SULF1: variants seen among roughly 807,000 people sequenced by gnomAD.
SULF1 encodes the protein sulfatase 1.
SULF1 carries 46 observed loss-of-function variants against 110.5 expected under a neutral mutation model. The ratio of observed to expected loss-of-function variants is 0.42; its 90% confidence interval spans 0.33 to 0.53. SULF1 has a LOEUF of 0.53. Among genes scored for constraint, SULF1 ranks in the 20% least tolerant of loss-of-function variants. The probability of loss-of-function intolerance (pLI) is 0.12; values close to 1 mark genes in which losing one functional copy is unlikely to be tolerated. For synonymous variants in SULF1, 371 were observed against 387.1 expected (o/e 0.96, Z 0.49); for missense variants, 941 against 1,094.2 (o/e 0.86, Z 1.98).
intron 3 of SULF1, among the ~76,000 whole-genome samples, chr8:69,514,793 C>A (rs1811811097): frequency 6.6e-6 from 1 of 152,200 alleles, no homozygotes; most frequent in African/African-American, 2.4e-5. Context: ...TCAGCCACAA[C>A]AAAAGAGTTA....
At chr8:69,636,227 T>G (rs1026334417) in intron 19 of SULF1, among the ~76,000 whole-genome samples, 7 of 152,260 alleles carry the variant, frequency 4.6e-5, no homozygotes, top group Admixed American at 4.6e-4. Flanking sequence ...AGTTTGTTTA[T>G]TCCTGTAGCA....
intron 3 of SULF1, among the ~76,000 whole-genome samples, chr8:69,535,428 G>C (rs1048262351): frequency 6.6e-6 from 1 of 152,194 alleles, no homozygotes; most frequent in African/African-American, 2.4e-5. Flanking sequence ...ACTCCAGACA[G>C]TGTGCTCTAT....
intron 3 of SULF1, among the ~76,000 whole-genome samples, chr8:69,530,594 G>A (rs956035957): frequency 1.3e-5 from 2 of 152,092 alleles, no homozygotes; most frequent in Non-Finnish European, 2.9e-5. Context: ...TGCCTAAAAT[G>A]GGTTTTAGAG....
intron 8 of SULF1, among the ~76,000 whole-genome samples, chr8:69,599,978 T>C (rs953195279): frequency 3.9e-5 from 6 of 152,240 alleles, no homozygotes; most frequent in African/African-American, 1.4e-4. Context: ...TATATTGATT[T>C]GTTTATTAAA....
intron 1 of SULF1, among the ~76,000 whole-genome samples, chr8:69,470,129 G>A (rs571889205): frequency 6.6e-6 from 1 of 152,274 alleles, no homozygotes. Flanking sequence ...ACATAGATGA[G>A]GCCAACCAAA....
At chr8:69,576,874 C>G (rs1223278436) in intron 6 of SULF1, among the ~76,000 whole-genome samples, 1 of 152,150 alleles carries the variant, frequency 6.6e-6, no homozygotes, top group Non-Finnish European at 1.5e-5. Context: ...TCATAAGAAT[C>G]AAATATGTTA....
At chr8:69,594,584 T>C (rs1019551830) in intron 8 of SULF1, among the ~76,000 whole-genome samples, 1 of 152,222 alleles carries the variant, frequency 6.6e-6, no homozygotes, top group African/African-American at 2.4e-5. Context: ...GACAAAGGTT[T>C]TGAAACACCT....
intron 6 of SULF1, among the ~76,000 whole-genome samples, chr8:69,581,459 T>C (rs1563552054): frequency 6.6e-6 from 1 of 152,080 alleles, no homozygotes; most frequent in African/African-American, 2.4e-5. Flanking sequence ...TACAATCAGG[T>C]CTTCTGATCT....
At chr8:69,489,571 C>CTTTTTTTTT (rs61391745), upstream of SULF1, among the ~76,000 whole-genome samples, 13 of 91,952 alleles carry the variant, frequency 1.4e-4, no homozygotes, top group African/African-American at 3.2e-4. Context: ...CTTTCTTTCT[C>CTTTTTTTTT]TTTTTTTTTT....
intron 3 of SULF1, among the ~76,000 whole-genome samples, chr8:69,551,439 G>A (rs1199070624): frequency 1.3e-5 from 2 of 152,146 alleles, no homozygotes; most frequent in Non-Finnish European, 2.9e-5. Context: ...GAACACTTCT[G>A]GATACTTGTT....
chr8:69,589,883 T>C (rs1348664626), intron 8 of SULF1, among the ~76,000 whole-genome samples: 3 of 152,224 alleles, frequency 2.0e-5, no homozygotes, highest in Non-Finnish European at 4.4e-5. Flanking sequence ...AGCTTTGCCA[T>C]CAATATCCAG....
intron 8 of SULF1, among the ~76,000 whole-genome samples, chr8:69,599,592 C>G (rs990274809): frequency 7.9e-5 from 12 of 152,168 alleles, no homozygotes; most frequent in African/African-American, 2.9e-4. Flanking sequence ...AAATGGTTTG[C>G]ATAATACCCA....
chr8:69,564,454 A>T (rs1486416706), intron 5 of SULF1, among the ~76,000 whole-genome samples: 1 of 152,210 alleles, frequency 6.6e-6, no homozygotes, highest in African/African-American at 2.4e-5. Context: ...ACATTGTAAA[A>T]ATATTTGGGC....
In SULF1 at chr8:69,567,214, C is replaced by T. The variant is rs568516813; in HGVS notation, c.172+3067C>T. 2.0e-5 allele frequency among the ~76,000 whole-genome samples: 3 copies of T among 152,090 alleles called. No homozygotes were observed. In the South Asian group the frequency reaches 6.3e-4, roughly 32 times the overall value. On this transcript the variant is annotated intron_variant, in intron 5 of 22. Coordinates refer to ENST00000402687, the MANE Select transcript of SULF1 (RefSeq NM_001128205.2). ...CTGTGGGTTGGAGGTCCAGAAAAGA[C>T]CTCCTTTCTTGGCAGAAAAGTCATG...
chr8:69,572,250 G>A (rs1299907690), intron 5 of SULF1, among the ~76,000 whole-genome samples: 1 of 152,214 alleles, frequency 6.6e-6, no homozygotes, highest in Non-Finnish European at 1.5e-5. Flanking sequence ...GAGCTCAAGA[G>A]CATGGTCTCT....
At chr8:69,494,115 C>T (rs935257929) in intron 1 of SULF1, among the ~76,000 whole-genome samples, 10 of 152,110 alleles carry the variant, frequency 6.6e-5, no homozygotes, top group Non-Finnish European at 1.0e-4. Context: ...GGTAAGAAAA[C>T]TAAGAACTAT....
chr8:69,598,034 G>A (rs1005021114), intron 8 of SULF1, among the ~76,000 whole-genome samples: 14 of 149,996 alleles, frequency 9.3e-5, no homozygotes, highest in African/African-American at 3.0e-4. Context: ...TGAAGAATAC[G>A]AAACATGGGC....
chr8:69,627,731 C>G, intron 16 of SULF1, 41 bp from the exon 17 acceptor site: 1 of 1,338,882 alleles, frequency 7.5e-7, no homozygotes, highest in Non-Finnish European at 1.1e-6. Flanking sequence ...TAAAGAAAAT[C>G]CTGATCTTAA....
intron 22 of SULF1, among the ~76,000 whole-genome samples, chr8:69,653,157 C>T (rs1812479321): frequency 6.6e-6 from 1 of 152,118 alleles, no homozygotes; most frequent in Non-Finnish European, 1.5e-5. Context: ...GCAGCCTCAG[C>T]CTCCTGGGTT....
Sources: allele counts gnomAD v4.1 joint callset (sites outside exome capture counted in the v4.1 genomes callset), GRCh38; gene constraint gnomAD v4.1.1; transcripts MANE v1.5; gene names NCBI Gene and HGNC (gene_info 2026-07-23, HGNC 2026-07-21).